COL21A1: variants seen among roughly 807,000 people sequenced by gnomAD.
COL21A1 encodes collagen alpha-1(XXI) chain.
In COL21A1, 149 loss-of-function variants were observed where a neutral mutation model predicts 137.9. That is an observed-to-expected ratio of 1.08 (90% confidence interval 0.95 to 1.24). The LOEUF is 1.24. Ranked by LOEUF, COL21A1 falls within the 50% of genes most tolerant of loss-of-function variation. The pLI, the probability that COL21A1 is intolerant of heterozygous loss-of-function variation, is 0.00. For missense variants in COL21A1, 1,167 were observed against 1,158.4 expected (o/e 1.01, Z -0.11); for synonymous variants, 456 against 391.5 (o/e 1.16, Z -1.95).
intron 12 of COL21A1, among the ~76,000 whole-genome samples, chr6:56,136,280 G>A (rs556604840): frequency 1.4e-4 from 22 of 152,302 alleles, no homozygotes; most frequent in African/African-American, 4.8e-4. Flanking sequence ...CCACAAGCAT[G>A]TGGGTTTGCT....
chr6:56,307,986 T>A (rs968091929), intron 1 of COL21A1, among the ~76,000 whole-genome samples: 3 of 152,162 alleles, frequency 2.0e-5, no homozygotes, highest in Non-Finnish European at 4.4e-5. Flanking sequence ...ATAAATACAA[T>A]GAGATGCTGT....
intron 10 of COL21A1, among the ~76,000 whole-genome samples, chr6:56,154,215 C>T (rs1775559702): frequency 6.6e-6 from 1 of 152,178 alleles, no homozygotes; most frequent in African/African-American, 2.4e-5. Flanking sequence ...CTACCTCTCA[C>T]TCACACTCTC....
At chr6:56,063,254 A>G (rs1453338665) in intron 24 of COL21A1, among the ~76,000 whole-genome samples, 1 of 152,182 alleles carries the variant, frequency 6.6e-6, no homozygotes, top group Non-Finnish European at 1.5e-5. Flanking sequence ...TCCATAAGCC[A>G]GTGAGCTAGC....
intron 1 of COL21A1, among the ~76,000 whole-genome samples, chr6:56,240,159 C>CA (rs539024357): frequency 6.9e-6 from 1 of 145,204 alleles, no homozygotes; most frequent in African/African-American, 2.6e-5. Flanking sequence ...GTCCATTAAA[C>CA]TTTTTTTTTT....
At chr6:56,184,582 A>T (rs1319959568) in intron 1 of COL21A1, among the ~76,000 whole-genome samples, 1 of 152,204 alleles carries the variant, frequency 6.6e-6, no homozygotes, top group Admixed American at 6.5e-5. Flanking sequence ...CACCTAGTTA[A>T]TATTTACAAA....
At chr6:56,158,246 G>GTTTTTTGTT (rs1267308023) in intron 9 of COL21A1, among the ~76,000 whole-genome samples, 1 of 98,990 alleles carries the variant, frequency 1.0e-5, no homozygotes, top group Non-Finnish European at 2.1e-5. Flanking sequence ...TCACTCGTGG[G>GTTTTTTGTT]TTTTTTCTTT....
chr6:56,333,906 C>T (rs755892390), intron 1 of COL21A1, among the ~76,000 whole-genome samples: 5 of 151,952 alleles, frequency 3.3e-5, no homozygotes, highest in East Asian at 1.9e-4. Flanking sequence ...TCCTGTTGTA[C>T]GTCGTCTTTG....
intron 1 of COL21A1, among the ~76,000 whole-genome samples, chr6:56,210,153 G>A (rs771926654): frequency 7.2e-5 from 11 of 152,164 alleles, no homozygotes; most frequent in South Asian, 2.1e-4. Flanking sequence ...AATACCTAAC[G>A]CAGATGACGA....
chr6:56,235,202 CA>C (rs1781823908), intron 1 of COL21A1, among the ~76,000 whole-genome samples: 1 of 151,764 alleles, frequency 6.6e-6, no homozygotes, highest in Non-Finnish European at 1.5e-5. Context: ...AAATGGGAGG[CA>C]AAAGGGAACA....
intron 9 of COL21A1, among the ~76,000 whole-genome samples, chr6:56,164,083 T>C (rs112022363): frequency 0.017 from 2,583 of 152,312 alleles, 75 homozygotes; most frequent in African/African-American, 0.06. Context: ...ATTCAGACCA[T>C]GTCTTCACAA....
At chr6:56,368,462 A>C (rs973760826) in intron 1 of COL21A1, among the ~76,000 whole-genome samples, 17 of 152,344 alleles carry the variant, frequency 1.1e-4, no homozygotes, top group African/African-American at 3.8e-4. Flanking sequence ...AGAGGAAAAA[A>C]TTCAATGTGA....
intron 1 of COL21A1, among the ~76,000 whole-genome samples, chr6:56,219,548 C>T (rs550508595): frequency 1.3e-5 from 2 of 152,006 alleles, no homozygotes; most frequent in Non-Finnish European, 2.9e-5. Context: ...TCAAGCGTCT[C>T]GACTTTTTGC....
intron 1 of COL21A1, among the ~76,000 whole-genome samples, chr6:56,214,167 T>C (rs1235614137): frequency 1.3e-5 from 2 of 152,042 alleles, no homozygotes; most frequent in South Asian, 2.1e-4. Context: ...AGTTCCATGA[T>C]AAAGGAGAAA....
intron 1 of COL21A1, among the ~76,000 whole-genome samples, chr6:56,372,524 A>G (rs1014033571): frequency 2.0e-5 from 3 of 152,220 alleles, no homozygotes; most frequent in African/African-American, 7.2e-5. Context: ...TATGATTTCT[A>G]CACTAATAAT....
intron 12 of COL21A1, among the ~76,000 whole-genome samples, chr6:56,141,497 C>G (rs1774404666): frequency 6.6e-6 from 1 of 152,132 alleles, no homozygotes; most frequent in Non-Finnish European, 1.5e-5. Context: ...TTCACATAAC[C>G]CACTCCCCTC....
At chr6:56,350,410 A>C (rs567353065) in intron 1 of COL21A1, among the ~76,000 whole-genome samples, 3 of 152,356 alleles carry the variant, frequency 2.0e-5, no homozygotes, top group African/African-American at 7.2e-5. Flanking sequence ...TGGGAGAAAC[A>C]GGGAGGACAG....
chr6:56,161,476 G>T (rs1444948648), intron 9 of COL21A1, among the ~76,000 whole-genome samples: 1 of 152,086 alleles, frequency 6.6e-6, no homozygotes, highest in Non-Finnish European at 1.5e-5. Flanking sequence ...AGGTTAAATG[G>T]GGGGAGGGGT....
intron 16 of COL21A1, among the ~76,000 whole-genome samples, chr6:56,120,887 T>A (rs1224543137): frequency 6.6e-6 from 1 of 151,156 alleles, no homozygotes; most frequent in Non-Finnish European, 1.5e-5. Flanking sequence ...AGAAAGGAAA[T>A]CAGCATATTA....
intron 1 of COL21A1, among the ~76,000 whole-genome samples, chr6:56,204,226 A>G (rs1779599817): frequency 6.6e-6 from 1 of 152,040 alleles, no homozygotes; most frequent in Non-Finnish European, 1.5e-5. Flanking sequence ...GCAAGCTAAG[A>G]TTAACTGGCT....
Sources: allele counts gnomAD v4.1 joint callset (sites outside exome capture counted in the v4.1 genomes callset), GRCh38; gene constraint gnomAD v4.1.1; transcripts MANE v1.5; gene names NCBI Gene and HGNC (gene_info 2026-07-23, HGNC 2026-07-21).